Variants in FHOD3 observed in about 807,000 individuals in gnomAD.
FHOD3 encodes FH1/FH2 domain-containing protein 3.
In FHOD3, 90 loss-of-function variants were observed where a neutral mutation model predicts 173.0. The ratio of observed to expected loss-of-function variants is 0.52; its 90% CI spans 0.44 to 0.62. The LOEUF (loss-of-function observed/expected upper bound fraction) is 0.62, where lower values mean the gene tolerates loss of function less well. FHOD3 is among the 20% of genes least tolerant of loss of function. The probability of loss-of-function intolerance (pLI) is 0.00; values close to 1 mark genes in which losing one functional copy is unlikely to be tolerated. For missense variants in FHOD3, 1,945 were observed against 2,034.7 expected, an observed-to-expected ratio of 0.96 and a Z score of 0.85; for synonymous variants, 828 against 823.0, an observed-to-expected ratio of 1.01 and a Z score of -0.10.
intron 14 of FHOD3, among the ~76,000 whole-genome samples, chr18:36,673,100 C>T (rs2037637702): frequency 6.6e-6 from 1 of 152,152 alleles, no homozygotes; most frequent in African/African-American, 2.4e-5. Context: ...AGAAAATCTC[C>T]CCCTCAGCTT....
At chr18:36,499,059 C>T (rs1172242359) in intron 3 of FHOD3, among the ~76,000 whole-genome samples, 1 of 151,714 alleles carries the variant, frequency 6.6e-6, no homozygotes, top group Non-Finnish European at 1.5e-5. Flanking sequence ...AGGTCTAATG[C>T]AAGCCTATTG....
At chr18:36,761,788 T>C (rs1165126350) in intron 27 of FHOD3, among the ~76,000 whole-genome samples, 1 of 152,158 alleles carries the variant, frequency 6.6e-6, no homozygotes, top group Non-Finnish European at 1.5e-5. Flanking sequence ...CTTCTCTCGG[T>C]GTTTGCTTAG....
chr18:36,664,857 C>T (rs76756457), intron 14 of FHOD3, among the ~76,000 whole-genome samples: 2,740 of 146,186 alleles, frequency 0.019, 85 homozygotes, highest in African/African-American at 0.065. Flanking sequence ...TATTACTGGG[C>T]TGGGCGCAGT....
chr18:36,771,469 ATC>A lies in FHOD3; in HGVS notation c.4786+2048_4786+2049del, dbSNP rs35058758. ...GGAGGCTGAGCCTATTGCCATTTGC[ATC>A]TCTCCTTTTGTGTATGGTTTGTCTA... On this transcript the variant is annotated intron_variant, in intron 28 of 28. Transcript: ENST00000590592. Among the ~76,000 whole-genome samples the A allele has an allele frequency of 9.9e-3, 1,502 of 152,296 alleles. 14 individuals are homozygous for A. Among genetic ancestry groups the A allele is most frequent in the Non-Finnish European group, 0.015 (1,036 of 68,028 alleles).
chr18:36,341,825 G>A (rs2045639852), intron 1 of FHOD3, among the ~76,000 whole-genome samples: 1 of 152,052 alleles, frequency 6.6e-6, no homozygotes, highest in African/African-American at 2.4e-5. Context: ...ACATTATCCA[G>A]GACCTCTAAA....
chr18:36,309,824 C>T (rs1022300907), intron 1 of FHOD3, among the ~76,000 whole-genome samples: 11 of 152,006 alleles, frequency 7.2e-5, no homozygotes, highest in East Asian at 1.9e-4. Context: ...TTACAGAATA[C>T]GCCAGTACTA....
At chr18:36,643,728 T>G (rs1349388949) in intron 10 of FHOD3, among the ~76,000 whole-genome samples, 3 of 152,316 alleles carry the variant, frequency 2.0e-5, no homozygotes, top group East Asian at 3.9e-4. Context: ...CATACCAGTT[T>G]GTTGGCTGTG....
At chr18:36,743,084 G>A (rs2041979328) in intron 22 of FHOD3, among the ~76,000 whole-genome samples, 1 of 137,138 alleles carries the variant, frequency 7.3e-6, no homozygotes, top group Non-Finnish European at 1.6e-5. Flanking sequence ...GCTGACGCGG[G>A]TGGATCACGA....
intron 3 of FHOD3, among the ~76,000 whole-genome samples, chr18:36,494,256 C>T (rs2054620683): frequency 6.6e-6 from 1 of 152,092 alleles, no homozygotes; most frequent in Non-Finnish European, 1.5e-5. Flanking sequence ...AGGAATGGTC[C>T]CCAGGGGTCT....
In FHOD3 at chr18:36,755,250, A is replaced by G; in HGVS notation, c.4364A>G (p.Gln1455Arg). 4 of 1,612,702 alleles carry G rather than the reference A, an allele frequency of 2.5e-6. No individual in the cohort carries two copies. Among genetic ancestry groups the G allele is most frequent in the Non-Finnish European group, 3.4e-6 (4 of 1,179,376 alleles). ...YRTTRERVLQQKQKRANHRER... is the reference protein window; with the variant it reads ...YRTTRERVLQRKQKRANHRER... ...ACAACCAGGGAAAGGGTTTTGCAGC[A>G]GAAACAGAAACGGGCCAACCACAGA... The change falls in exon 25 of 29, where the codon CAG becomes CGG. Residue 1455 changes from glutamine to arginine, a missense_variant. Physicochemically the swap from Gln to Arg is conservative, Grantham distance 43. Coordinates refer to ENST00000590592, the MANE Select transcript of FHOD3 (RefSeq NM_001281740.3).
chr18:36,643,380 C>T (rs753106891), intron 10 of FHOD3, among the ~76,000 whole-genome samples: 12 of 152,004 alleles, frequency 7.9e-5, no homozygotes, highest in Non-Finnish European at 1.8e-4. Context: ...TCCCTGCCCT[C>T]CACCCCTGTT....
At chr18:36,448,880 C>T (rs2051656050) in intron 3 of FHOD3, among the ~76,000 whole-genome samples, 1 of 152,138 alleles carries the variant, frequency 6.6e-6, no homozygotes. Context: ...TCTCTCCTTG[C>T]ACTCTCTTGT....
At chr18:36,660,181 A>T (rs1432462188) in intron 14 of FHOD3, among the ~76,000 whole-genome samples, 3 of 152,132 alleles carry the variant, frequency 2.0e-5, no homozygotes, top group Non-Finnish European at 4.4e-5. Context: ...AGGCAGGAGA[A>T]TCACTTGAAC....
intron 3 of FHOD3, among the ~76,000 whole-genome samples, chr18:36,392,193 G>A (rs960405770): frequency 6.6e-6 from 1 of 152,146 alleles, no homozygotes; most frequent in South Asian, 2.1e-4. Flanking sequence ...GGGTTTTGGG[G>A]GGTTAAATGA....
intron 1 of FHOD3, among the ~76,000 whole-genome samples, chr18:36,337,960 A>G (rs1284477306): frequency 6.6e-6 from 1 of 152,200 alleles, no homozygotes; most frequent in Non-Finnish European, 1.5e-5. Context: ...TAAAGGCAGC[A>G]CAGCCCTCAA....
intron 3 of FHOD3, among the ~76,000 whole-genome samples, chr18:36,466,533 G>C (rs1186604809): frequency 6.6e-6 from 1 of 152,166 alleles, no homozygotes; most frequent in African/African-American, 2.4e-5. Context: ...TTTTAAATGG[G>C]GGGAATATCT....
At chr18:36,332,583 A>G (rs556224319) in intron 1 of FHOD3, among the ~76,000 whole-genome samples, 75 of 152,278 alleles carry the variant, frequency 4.9e-4, no homozygotes, top group African/African-American at 1.7e-3. Context: ...CTTCAACCCA[A>G]TGCAGGTGTG....
chr18:36,706,131 G>A (rs1030406601), intron 17 of FHOD3, among the ~76,000 whole-genome samples: 4 of 152,130 alleles, frequency 2.6e-5, no homozygotes, highest in Non-Finnish European at 5.9e-5. Flanking sequence ...GTGAGCAGAC[G>A]CTGGCCCCAG....
intron 3 of FHOD3, among the ~76,000 whole-genome samples, chr18:36,373,097 A>AGTGGAGTCTGGGGCTCCAGGTTGTT (rs1460612807): frequency 2.6e-5 from 4 of 152,152 alleles, no homozygotes; most frequent in Non-Finnish European, 4.4e-5. Context: ...CCTGTGGGCA[A>AGTGGAGTCTGGGGCTCCAGGTTGTT]GTGGAGTCTG....
Sources: gnomAD v4.1 joint callset for allele counts (sites outside exome capture counted in the v4.1 genomes callset) on GRCh38, gnomAD v4.1.1 for gene constraint, MANE v1.5 for transcripts, NCBI Gene and HGNC (gene_info 2026-07-23, HGNC 2026-07-21) for gene names.